Variants in NHSL3 observed in about 807,000 individuals in gnomAD.
The protein encoded by NHSL3 is NHS-like protein 3.
chr1:32,768,880 T>A, the NHSL3 span: 1 of 1,374,536 alleles, frequency 7.3e-7, no homozygotes, highest in Admixed American at 2.2e-5. Flanking sequence ...TCTGATTCAA[T>A]GAATTCGGGA....
the NHSL3 span, among the ~76,000 whole-genome samples, chr1:32,756,482 C>CCCT: frequency 1.1e-4 from 13 of 115,356 alleles, no homozygotes; most frequent in Non-Finnish European, 2.5e-4. Context: ...CCCCCCCCCC[C>CCCT]GCCCATTTCT....
the NHSL3 span, among the ~76,000 whole-genome samples, chr1:32,753,116 G>A: frequency 1.3e-5 from 2 of 151,422 alleles, no homozygotes; most frequent in South Asian, 4.2e-4. Context: ...TTACAGGCAT[G>A]TGCCACCAAG....
the NHSL3 span, chr1:32,771,007 C>T: frequency 1.6e-5 from 25 of 1,612,064 alleles, no homozygotes; most frequent in Non-Finnish European, 2.0e-5. Context: ...CAAGGCCCAG[C>T]CCCCTAAACC....
the NHSL3 span, chr1:32,771,563 T>C: frequency 1.1e-5 from 18 of 1,610,068 alleles, no homozygotes; most frequent in Non-Finnish European, 1.4e-5. Flanking sequence ...GAGGCTTTTT[T>C]CTCTGTGGCC....
chr1:32,741,973 C>T, the NHSL3 span: 3 of 1,145,766 alleles, frequency 2.6e-6, no homozygotes, highest in East Asian at 4.0e-5. This position sits in a 1 kb window ranked among gnomAD's most constrained non-coding sequence, Gnocchi z 4.3. Context: ...CCGCGCGCCC[C>T]CCGCCGCACC....
chr1:32,748,539 C>T, the NHSL3 span, among the ~76,000 whole-genome samples: 5 of 152,276 alleles, frequency 3.3e-5, no homozygotes, highest in East Asian at 7.7e-4. Flanking sequence ...CTTCACTTTG[C>T]TATCCAGTGA....
At chr1:32,773,115 C>T in the NHSL3 span, 28 of 584,876 alleles carry the variant, frequency 4.8e-5, no homozygotes, top group Middle Eastern at 4.4e-4. Context: ...TGGCAGTTGC[C>T]GCTTCAGTCT....
At chr1:32,773,821 T>C in the NHSL3 span, 2 of 152,848 alleles carry the variant, frequency 1.3e-5, no homozygotes, top group Non-Finnish European at 2.9e-5. Flanking sequence ...CCTTGAGCAG[T>C]GGGCCCAGGC....
At chr1:32,756,397 C>G in the NHSL3 span, among the ~76,000 whole-genome samples, 1 of 144,006 alleles carries the variant, frequency 6.9e-6, no homozygotes, top group Non-Finnish European at 1.5e-5. Flanking sequence ...GTAATCCCAG[C>G]ATTTTGGGAG....
chr1:32,762,789 CAT>C, the NHSL3 span, among the ~76,000 whole-genome samples: 1 of 152,182 alleles, frequency 6.6e-6, no homozygotes, highest in East Asian at 1.9e-4. Flanking sequence ...GGGCTTTCAC[CAT>C]ATTGACCAGG....
At chr1:32,760,912 C>A in the NHSL3 span, among the ~76,000 whole-genome samples, 2 of 152,124 alleles carry the variant, frequency 1.3e-5, no homozygotes, top group South Asian at 2.1e-4. Context: ...TTTGAGAGTG[C>A]CCACCTGCGG....
At chr1:32,757,699 C>T in the NHSL3 span, among the ~76,000 whole-genome samples, 1 of 152,154 alleles carries the variant, frequency 6.6e-6, no homozygotes, top group Admixed American at 6.5e-5. Context: ...GCTATTCTCC[C>T]ATTTTAGAGA....
At chr1:32,756,405 G>C in the NHSL3 span, among the ~76,000 whole-genome samples, 2 of 151,386 alleles carry the variant, frequency 1.3e-5, no homozygotes, top group African/African-American at 4.9e-5. Flanking sequence ...AGCATTTTGG[G>C]AGGCCGAGAT....
the NHSL3 span, chr1:32,771,103 C>T: frequency 1.9e-6 from 3 of 1,613,828 alleles, no homozygotes; most frequent in South Asian, 1.1e-5. Flanking sequence ...TGACCCAGCC[C>T]CCTCAGACCG....
the NHSL3 span, among the ~76,000 whole-genome samples, chr1:32,759,306 CTCTT>C: frequency 6.6e-6 from 1 of 152,202 alleles, no homozygotes; most frequent in Non-Finnish European, 1.5e-5. Flanking sequence ...TGATTCCCAG[CTCTT>C]TCTTCTCCTT....
At chr1:32,772,296 C>CCCAG in the NHSL3 span, 1 of 1,541,736 alleles carries the variant, frequency 6.5e-7, no homozygotes, top group Non-Finnish European at 9.0e-7. Context: ...CCGCCTCCCC[C>CCCAG]AGTTACCCTC....
chr1:32,753,978 GCGCCCGCGGTGCC>G, the NHSL3 span: 2 of 365,912 alleles, frequency 5.5e-6, no homozygotes, highest in South Asian at 9.5e-5. Flanking sequence ...GGGGCTGGGG[GCGCCCGCGGTGCC>G]CGCCCGCGAG....
the NHSL3 span, among the ~76,000 whole-genome samples, chr1:32,755,066 AG>A: frequency 2.6e-5 from 4 of 151,742 alleles, no homozygotes; most frequent in Non-Finnish European, 5.9e-5. Context: ...TGGGGAGGGG[AG>A]GGAAAGGGGA....
chr1:32,752,938 CACACACACACACATATATATAT>C, the NHSL3 span, among the ~76,000 whole-genome samples: 38 of 38,414 alleles, frequency 9.9e-4, 2 homozygotes, highest in African/African-American at 3.3e-3. Flanking sequence ...CACACACACA[CACACACACACACATATATATAT>C]ATATATATTT....
Sources: allele counts gnomAD v4.1 joint callset (sites outside exome capture counted in the v4.1 genomes callset), GRCh38; gene constraint gnomAD v4.1.1; non-coding constraint Gnocchi (gnomAD v3.1); transcripts MANE v1.5; gene names NCBI Gene and HGNC (gene_info 2026-07-23, HGNC 2026-07-21).